CSNK1G1: variants seen among roughly 807,000 people sequenced by gnomAD.
CSNK1G1 encodes the protein casein kinase 1 gamma 1.
CSNK1G1 carries 22 observed loss-of-function variants against 59.6 expected under a neutral mutation model. The ratio of observed to expected loss-of-function variants is 0.37; its 90% CI spans 0.26 to 0.53. CSNK1G1 has a LOEUF of 0.53. CSNK1G1 is among the 20% of genes least tolerant of loss of function. The pLI, the probability that CSNK1G1 is intolerant of heterozygous loss-of-function variation, is 0.89. For synonymous variants in CSNK1G1, 179 were observed against 177.1 expected (o/e 1.01, Z -0.08); for missense variants, 384 against 519.5 (o/e 0.74, Z 2.54).
intron 4 of CSNK1G1, among the ~76,000 whole-genome samples, chr15:64,225,106 T>A (rs995986014): frequency 5.3e-5 from 8 of 150,770 alleles, no homozygotes; most frequent in African/African-American, 2.0e-4. Flanking sequence ...CCTCCTGGGT[T>A]CAAGCGATTA....
At chr15:64,277,722 T>C (rs1388931943) in intron 2 of CSNK1G1, among the ~76,000 whole-genome samples, 3 of 130,186 alleles carry the variant, frequency 2.3e-5, no homozygotes, top group Admixed American at 8.8e-5. Flanking sequence ...TATTGATATA[T>C]TTAATAATAT....
intron 2 of CSNK1G1, chr15:64,265,662 T>C (rs1267561181): frequency 3.9e-6 from 1 of 259,700 alleles, no homozygotes; most frequent in Non-Finnish European, 7.6e-6. Flanking sequence ...ACAATAGCTT[T>C]AAAAAAAAAA....
In CSNK1G1 at chr15:64,173,377, T is replaced by C. The variant is rs142132822; in HGVS notation, c.1215-1392A>G. Among the ~76,000 whole-genome samples, 77 of 152,264 alleles carry C rather than the reference T, an allele frequency of 5.1e-4. 1 individual carries two copies. In the East Asian group the frequency reaches 0.012, roughly 23 times the overall value. On this transcript the variant is annotated intron_variant, in intron 11 of 11. Transcript: ENST00000303052. ...GAATCAAACATGAAAATTTTAGAAA[T>C]AGGACTTTCTTAAGAGGGTCTTTGG...
chr15:64,234,614 C>G (rs1566912779), intron 4 of CSNK1G1, among the ~76,000 whole-genome samples: 1 of 152,238 alleles, frequency 6.6e-6, no homozygotes, highest in Non-Finnish European at 1.5e-5. Context: ...CTACTCCCTA[C>G]TTTAACAATC....
intron 1 of CSNK1G1, among the ~76,000 whole-genome samples, chr15:64,302,641 C>T (rs940957054): frequency 2.6e-5 from 4 of 152,054 alleles, no homozygotes; most frequent in Non-Finnish European, 5.9e-5. Context: ...GCCTAAATCC[C>T]TCAAATGATA....
intron 2 of CSNK1G1, among the ~76,000 whole-genome samples, chr15:64,280,533 T>C (rs944383472): frequency 2.6e-5 from 4 of 152,076 alleles, no homozygotes; most frequent in African/African-American, 9.7e-5. Context: ...GCTAATTTTT[T>C]GTATTTTTAG....
intron 1 of CSNK1G1, among the ~76,000 whole-genome samples, chr15:64,345,071 T>C (rs1207645271): frequency 6.6e-6 from 1 of 152,174 alleles, no homozygotes; most frequent in Admixed American, 6.5e-5. Context: ...TCTTGCATCA[T>C]ACCCTAGATG....
chr15:64,259,114 G>A, intron 3 of CSNK1G1, 87 bp downstream of exon 3: 2 of 1,171,366 alleles, frequency 1.7e-6, no homozygotes, highest in South Asian at 1.5e-5. Flanking sequence ...GCAGTTTTGC[G>A]AATGAATGCT....
rs1301961766 is a variant in CSNK1G1 at position 64,169,306 on chromosome 15, C to CA, written c.*2624dup. 6.6e-6 allele frequency: 1 copy of CA among 151,942 alleles called. No homozygotes were observed. The highest frequency in any genetic ancestry group is 1.5e-5 in the Non-Finnish European group (1 of 68,126). The allele number at this position is 151,942 out of a possible 1,614,324, so 9.4% of individuals were successfully genotyped here. On this transcript the variant is annotated 3_prime_UTR_variant, in exon 12 of 12. Transcript: ENST00000303052. ...GGAGTGCAGTGGTGCGATCTCGGCT[C>CA]ACTGCAACTTCTGCCTCCCAGGCTC... is the stretch of plus-strand genomic sequence containing the variant.
intron 2 of CSNK1G1, among the ~76,000 whole-genome samples, chr15:64,260,418 G>C (rs929383380): frequency 5.9e-5 from 9 of 152,118 alleles, no homozygotes; most frequent in African/African-American, 2.2e-4. Flanking sequence ...TACTATTTTA[G>C]TATTTTCTGA....
chr15:64,268,265 T>C (rs912745620), intron 2 of CSNK1G1, among the ~76,000 whole-genome samples: 2 of 152,098 alleles, frequency 1.3e-5, no homozygotes, highest in African/African-American at 4.8e-5. Flanking sequence ...ATGTGGAATC[T>C]AGGAAAGCTG....
chr15:64,278,411 T>C (rs1294498467), intron 2 of CSNK1G1, among the ~76,000 whole-genome samples: 2 of 116,380 alleles, frequency 1.7e-5, no homozygotes, highest in East Asian at 4.5e-4. Context: ...TGTGTGTGTG[T>C]GTGTGTGTAT....
At chr15:64,301,385 T>C (rs76098115) in intron 1 of CSNK1G1, among the ~76,000 whole-genome samples, 6 of 141,314 alleles carry the variant, frequency 4.2e-5, no homozygotes, top group Admixed American at 2.9e-4. Context: ...AAAAAAAAAA[T>C]CTTAAGCGTA....
chr15:64,274,211 T>C (rs1705086262), intron 2 of CSNK1G1, among the ~76,000 whole-genome samples: 1 of 152,220 alleles, frequency 6.6e-6, no homozygotes, highest in African/African-American at 2.4e-5. Flanking sequence ...TTGCCTCAAA[T>C]GAATTTCTTT....
At chr15:64,199,707 T>C (rs560326215) in intron 10 of CSNK1G1, among the ~76,000 whole-genome samples, 1 of 151,734 alleles carries the variant, frequency 6.6e-6, no homozygotes, top group Non-Finnish European at 1.5e-5. Flanking sequence ...CAAAACATTA[T>C]GCAGGTGTGG....
chr15:64,277,735 TAATATTGATATATTTAATAATATAGC>T (rs776494670), intron 2 of CSNK1G1, among the ~76,000 whole-genome samples: 34,676 of 118,110 alleles, frequency 0.29, 9,788 homozygotes, highest in East Asian at 0.76. Context: ...AATAATATAT[TAATATTGATATATTTAATAATATAGC>T]AATATTGATA....
At chr15:64,332,454 C>T (rs2140459588) in intron 1 of CSNK1G1, among the ~76,000 whole-genome samples, 1 of 128,188 alleles carries the variant, frequency 7.8e-6, no homozygotes, top group African/African-American at 2.9e-5. Context: ...TATTCTCACT[C>T]ATAGGTGGGA....
intron 2 of CSNK1G1, among the ~76,000 whole-genome samples, chr15:64,287,038 C>T (rs1894464506): frequency 1.3e-5 from 2 of 152,084 alleles, no homozygotes; most frequent in South Asian, 2.1e-4. Flanking sequence ...GACATTTATT[C>T]TGATGTCTTT....
At chr15:64,331,871 A>G (rs1158974049) in intron 1 of CSNK1G1, among the ~76,000 whole-genome samples, 2 of 149,052 alleles carry the variant, frequency 1.3e-5, no homozygotes, top group Non-Finnish European at 3.0e-5. Context: ...AAGGACATGA[A>G]CAGACACTTC....
Sources: gnomAD v4.1 joint callset for allele counts (sites outside exome capture counted in the v4.1 genomes callset) on GRCh38, gnomAD v4.1.1 for gene constraint, MANE v1.5 for transcripts, NCBI Gene and HGNC (gene_info 2026-07-23, HGNC 2026-07-21) for gene names.